Variants in TBXAS1 observed in about 807,000 individuals in gnomAD.
The protein encoded by TBXAS1 is thromboxane-A synthase.
TBXAS1 carries 48 observed loss-of-function variants against 60.7 expected under a neutral mutation model. The observed-to-expected ratio is 0.79, with a 90% CI of 0.63 to 1.01. TBXAS1 has a LOEUF of 1.01. TBXAS1 is among the 50% of genes least tolerant of loss of function. The pLI is 0.00. For synonymous variants in TBXAS1, 287 were observed against 269.7 expected, an observed-to-expected ratio of 1.06 and a Z score of -0.63; for missense variants, 685 against 686.3, an observed-to-expected ratio of 1.00 and a Z score of 0.02.
chr7:139,987,198 T>C (rs1812555378), intron 9 of TBXAS1, among the ~76,000 whole-genome samples: 1 of 152,124 alleles, frequency 6.6e-6, no homozygotes, highest in Admixed American at 6.5e-5. Context: ...ATTTGGCATT[T>C]GGGATATTCA....
intron 3 of TBXAS1, among the ~76,000 whole-genome samples, chr7:139,881,450 CT>C (rs143234296): frequency 1.6e-3 from 240 of 151,428 alleles, no homozygotes; most frequent in African/African-American, 1.7e-3. Context: ...GGGACACACC[CT>C]TTTTCCCCCC....
intron 4 of TBXAS1, among the ~76,000 whole-genome samples, chr7:139,929,033 G>A (rs773109341): frequency 2.6e-5 from 4 of 152,116 alleles, no homozygotes; most frequent in African/African-American, 7.2e-5. Context: ...AACAGCTCAC[G>A]AGAAGGACCA....
chr7:139,948,670 CTGAG>C (rs1469001008), intron 5 of TBXAS1, among the ~76,000 whole-genome samples: 1 of 152,148 alleles, frequency 6.6e-6, no homozygotes, highest in Admixed American at 6.5e-5. Flanking sequence ...TTAGTAAGAT[CTGAG>C]TGAGAATAGC....
chr7:139,992,128 G>T (rs1408273094), intron 9 of TBXAS1, among the ~76,000 whole-genome samples: 2 of 152,210 alleles, frequency 1.3e-5, no homozygotes, highest in Non-Finnish European at 2.9e-5. Flanking sequence ...CCCTTGAGAG[G>T]CTTGGTGGGG....
At chr7:140,018,915 C>T (rs1815312933) in intron 12 of TBXAS1, among the ~76,000 whole-genome samples, 1 of 152,196 alleles carries the variant, frequency 6.6e-6, no homozygotes, top group Non-Finnish European at 1.5e-5. Context: ...AGATCCTGCC[C>T]ACTCCCAAGC....
intron 9 of TBXAS1, among the ~76,000 whole-genome samples, chr7:139,991,116 T>G (rs1473100966): frequency 6.6e-6 from 1 of 152,166 alleles, no homozygotes; most frequent in African/African-American, 2.4e-5. Flanking sequence ...GAGCGTGCGC[T>G]CCAATAAAAC....
At chr7:139,881,465 C>G (rs1312162495) in intron 3 of TBXAS1, among the ~76,000 whole-genome samples, 3 of 150,838 alleles carry the variant, frequency 2.0e-5, no homozygotes. Context: ...TCCCCCCCTC[C>G]AGGAGGGTAG....
rs546108683 is a variant in TBXAS1 at position 139,803,917 on chromosome 7, C to T, written c.-80+16491C>T. Among the ~76,000 whole-genome samples the T allele has an allele frequency of 2.6e-5, 4 of 152,366 alleles. No homozygotes were observed. In the East Asian group the frequency reaches 7.7e-4, roughly 29 times the overall value. Reference sequence around the variant, plus strand: ...GTGGAAGTTTGCTGCAGGAGCAGAGCTCTCATGGAGAACCTCTGCTAGGGC... The same window carrying T: ...GTGGAAGTTTGCTGCAGGAGCAGAGTTCTCATGGAGAACCTCTGCTAGGGC... On this transcript the variant is annotated intron_variant, in intron 4 of 16. Coordinates refer to the TBXAS1 transcript ENST00000336425.
chr7:139,917,295 G>A (rs949760903), intron 4 of TBXAS1, among the ~76,000 whole-genome samples: 1 of 152,204 alleles, frequency 6.6e-6, no homozygotes, highest in South Asian at 2.1e-4. Context: ...TGTGACCTCC[G>A]TCTCCTTCTC....
intron 1 of TBXAS1, among the ~76,000 whole-genome samples, chr7:139,850,507 T>C (rs749157729): frequency 5.9e-5 from 9 of 152,196 alleles, no homozygotes; most frequent in Admixed American, 2.6e-4. Context: ...TGGGGTATTA[T>C]TTGGGCCTTT....
rs574428013 is a variant in TBXAS1, at chr7:139,981,364, C to T, written c.1134+19131C>T. On this transcript the variant is annotated intron_variant, in intron 9 of 12. Coordinates refer to ENST00000448866, the MANE Select transcript of TBXAS1 (RefSeq NM_001061.7). ...CTCCTGACCTCAGGTGATCCGCCTG[C>T]GTCGGCCTCCCAGAGTGCTGGGATT... Among the ~76,000 whole-genome samples the T allele has an allele frequency of 3.3e-5, 5 of 152,286 alleles. 1 individual carries two copies. Among genetic ancestry groups the T allele is most frequent in the East Asian group, 3.9e-4 (2 of 5,184 alleles).
intron 3 of TBXAS1, among the ~76,000 whole-genome samples, chr7:139,889,657 C>T (rs1803402233): frequency 6.6e-6 from 1 of 152,172 alleles, no homozygotes; most frequent in East Asian, 1.9e-4. Flanking sequence ...GGTGAGGGCT[C>T]ACTTTCTGGT....
chr7:139,880,288 C>T (rs1802601320), intron 3 of TBXAS1, among the ~76,000 whole-genome samples: 2 of 152,182 alleles, frequency 1.3e-5, no homozygotes, highest in Admixed American at 1.3e-4. Flanking sequence ...TTGGCTCCCT[C>T]TTGTTGAACT....
chr7:139,949,217 G>A (rs902320937), intron 5 of TBXAS1, among the ~76,000 whole-genome samples: 2 of 152,192 alleles, frequency 1.3e-5, no homozygotes, highest in Non-Finnish European at 2.9e-5. Flanking sequence ...GCATGCCTCT[G>A]AAGAGTTGTG....
intron 1 of TBXAS1, among the ~76,000 whole-genome samples, chr7:139,845,816 A>G (rs1039064317): frequency 7.0e-6 from 1 of 142,662 alleles, no homozygotes; most frequent in African/African-American, 2.6e-5. Flanking sequence ...CATTAAATTG[A>G]ACTCTAGTTT....
At chr7:139,993,268 C>T (rs928120887) in intron 9 of TBXAS1, among the ~76,000 whole-genome samples, 1 of 152,142 alleles carries the variant, frequency 6.6e-6, no homozygotes, top group African/African-American at 2.4e-5. Flanking sequence ...CCAGAGGCCC[C>T]GTCTCCAAGT....
chr7:139,860,802 A>G (rs1800906537), intron 1 of TBXAS1, among the ~76,000 whole-genome samples: 2 of 152,226 alleles, frequency 1.3e-5, no homozygotes, highest in South Asian at 4.1e-4. Flanking sequence ...GTGTTGTTTT[A>G]AATCCCTCAG....
Position 140,017,683 on chromosome 7 carries a change from G to A in TBXAS1, c.1377G>A (p.Glu459=), listed in dbSNP as rs374788259. The change falls in exon 12 of 13, where the codon GAG becomes GAA. Residue 459 remains glutamate, a synonymous_variant. Coordinates refer to ENST00000448866, the MANE Select transcript of TBXAS1 (RefSeq NM_001061.7). ...ETFNPERFTA[E]ARQQHRPFTY... ...CACGGACCTGCAGGTTCACGGCTGA[G>A]GCCCGGCAGCAGCACCGGCCCTTCA... is the stretch of plus-strand genomic sequence containing the variant. 8 of 1,613,106 alleles carry A rather than the reference G, an allele frequency of 5.0e-6. No homozygotes were observed. The highest frequency in any genetic ancestry group is 1.8e-4 in the Middle Eastern group (1 of 5,652).
At chr7:139,857,939 G>A (rs890218247) in intron 1 of TBXAS1, among the ~76,000 whole-genome samples, 9 of 151,768 alleles carry the variant, frequency 5.9e-5, no homozygotes, top group Admixed American at 3.9e-4. Flanking sequence ...TTGCTATGTT[G>A]CCCAGGCTGG....
Sources: allele counts gnomAD v4.1 joint callset (sites outside exome capture counted in the v4.1 genomes callset), GRCh38; gene constraint gnomAD v4.1.1; transcripts MANE v1.5; gene names NCBI Gene and HGNC (gene_info 2026-07-23, HGNC 2026-07-21).